The following LRRC74A variants were observed in gnomAD, a reference collection of about 807,000 sequenced individuals.
LRRC74A encodes the protein leucine rich repeat containing 74A.
A neutral mutation model predicts 57.9 loss-of-function variants in LRRC74A; 44 were observed. That is an observed-to-expected ratio of 0.76 (90% CI 0.60 to 0.98). The LOEUF (loss-of-function observed/expected upper bound fraction) is 0.98, where lower values mean the gene tolerates loss of function less well. LRRC74A is among the 50% of genes least tolerant of loss of function. LRRC74A has a pLI of 0.00. For missense variants in LRRC74A, 572 were observed against 574.0 expected (o/e 1.00, Z 0.04); for synonymous variants, 211 against 219.4 (o/e 0.96, Z 0.34).
chr14:76,868,740 T>C (rs1899160196), intron 13 of LRRC74A, among the ~76,000 whole-genome samples: 1 of 152,196 alleles, frequency 6.6e-6, no homozygotes, highest in African/African-American at 2.4e-5. Context: ...CTTCTCCCAG[T>C]ACCTCTTTCC....
intron 2 of LRRC74A, chr14:76,829,237 G>A: frequency 7.9e-7 from 1 of 1,264,662 alleles, no homozygotes; most frequent in Non-Finnish European, 1.0e-6. Context: ...GCTGGCTGGT[G>A]GGCAGTGATT....
intron 2 of LRRC74A, among the ~76,000 whole-genome samples, chr14:76,830,520 G>A (rs1181739478): frequency 6.6e-6 from 1 of 152,246 alleles, no homozygotes; most frequent in African/African-American, 2.4e-5. Context: ...GTTATTTGAG[G>A]CTAGGTTTGT....
intron 13 of LRRC74A, 73 bp from the exon 14 acceptor site, chr14:76,870,052 G>C: frequency 6.5e-7 from 1 of 1,528,516 alleles, no homozygotes; most frequent in South Asian, 1.2e-5. Context: ...ATTTAAGCCT[G>C]TCTTAACATT....
intron 13 of LRRC74A, 76 bp from the exon 14 acceptor site, chr14:76,870,049 C>A: frequency 6.6e-7 from 1 of 1,507,822 alleles, no homozygotes; most frequent in Non-Finnish European, 9.1e-7. Flanking sequence ...TGGATTTAAG[C>A]CTGTCTTAAC....
At chr14:76,838,831 G>C (rs534584988) in intron 5 of LRRC74A, among the ~76,000 whole-genome samples, 1 of 152,286 alleles carries the variant, frequency 6.6e-6, no homozygotes, top group East Asian at 1.9e-4. Context: ...AAACTCCTGG[G>C]CTCAAGCAAT....
chr14:76,845,599 AT>A (rs1897067287), intron 7 of LRRC74A, among the ~76,000 whole-genome samples: 1 of 152,194 alleles, frequency 6.6e-6, no homozygotes, highest in African/African-American at 2.4e-5. Flanking sequence ...GGGACATGCA[AT>A]TTACCTATAT....
chr14:76,854,724 A>G lies in LRRC74A; in HGVS notation c.957+1314A>G, dbSNP rs141078535. Reference sequence around the variant, plus strand: ...CAGTGTGCTTCTGATGAATGAATGAATTAATGAATACATATTTCATTTTAA... The same window carrying G: ...CAGTGTGCTTCTGATGAATGAATGAGTTAATGAATACATATTTCATTTTAA... On this transcript the variant is annotated intron_variant, in intron 9 of 13. Coordinates refer to ENST00000689127, the MANE Select transcript of LRRC74A (RefSeq NM_001385106.1). 6.0e-3 allele frequency among the ~76,000 whole-genome samples: 916 copies of G among 152,344 alleles called. 11 individuals carry two copies. The highest frequency in any genetic ancestry group is 0.021 in the African/African-American group (873 of 41,564).
At chr14:76,861,374 A>C (rs1160490896) in intron 11 of LRRC74A, among the ~76,000 whole-genome samples, 1 of 152,232 alleles carries the variant, frequency 6.6e-6, no homozygotes, top group Non-Finnish European at 1.5e-5. Context: ...GCTCCAGCCA[A>C]AGAGAGACAC....
chr14:76,840,271 C>A (rs970516808), intron 5 of LRRC74A, among the ~76,000 whole-genome samples: 10 of 151,982 alleles, frequency 6.6e-5, no homozygotes, highest in African/African-American at 2.2e-4. Flanking sequence ...AGCAAGACCC[C>A]ATCTATAAAA....
At chr14:76,843,732 TTC>T (rs1262598512) in intron 5 of LRRC74A, among the ~76,000 whole-genome samples, 2 of 152,172 alleles carry the variant, frequency 1.3e-5, no homozygotes, top group Non-Finnish European at 2.9e-5. Context: ...GGTGAAGTCT[TTC>T]TCTGTCACCC....
chr14:76,835,730 A>G (rs980445690), intron 3 of LRRC74A, among the ~76,000 whole-genome samples: 1 of 152,164 alleles, frequency 6.6e-6, no homozygotes, highest in Non-Finnish European at 1.5e-5. Flanking sequence ...ATAATAATAA[A>G]TAAATGAATA....
chr14:76,870,203 A>G lies in LRRC74A; in HGVS notation c.*54A>G, dbSNP rs1899346972. Reference sequence around the variant, plus strand: ...GGCGAGAGGAGTCCTCGCAAGTCGGATGGTGGCAGGGAGGAGAGCAAGAGG... The same window carrying G: ...GGCGAGAGGAGTCCTCGCAAGTCGGGTGGTGGCAGGGAGGAGAGCAAGAGG... On this transcript the variant is annotated 3_prime_UTR_variant, in exon 14 of 14. Transcript: ENST00000689127. 1 of 1,577,902 alleles carries G rather than the reference A, an allele frequency of 6.3e-7. No homozygotes were observed. Among genetic ancestry groups the G allele is most frequent in the Non-Finnish European group, 8.6e-7 (1 of 1,157,792 alleles).
intron 5 of LRRC74A, among the ~76,000 whole-genome samples, chr14:76,841,604 T>C (rs1443959831): frequency 6.6e-6 from 1 of 152,180 alleles, no homozygotes; most frequent in Non-Finnish European, 1.5e-5. Flanking sequence ...CCATTTAATA[T>C]TCTAGATTAA....
intron 7 of LRRC74A, among the ~76,000 whole-genome samples, chr14:76,847,671 C>T (rs1403569944): frequency 1.2e-4 from 18 of 150,132 alleles, no homozygotes; most frequent in Admixed American, 1.2e-3. Flanking sequence ...TGCACATGTA[C>T]CCCTGAACTT....
At position 76,857,436 on chromosome 14, in the gene LRRC74A, G is replaced by C. The variant is rs1471234358; in HGVS notation, c.1014G>C (p.Lys338Asn). The C allele has an allele frequency of 1.3e-6, 2 of 1,588,156 alleles. No individual in the cohort carries two copies. Among genetic ancestry groups the C allele is most frequent in the East Asian group, 2.3e-5 (1 of 44,250 alleles). Residue 338 changes from lysine (K) to asparagine (N), a missense_variant, in exon 10 of 14, where the codon AAG becomes AAC. Coordinates refer to ENST00000689127, the MANE Select transcript of LRRC74A (RefSeq NM_001385106.1). ...CTATTTTACTTATCCTGGCTATCAA[G>C]AGGAACCCCAAATCCAGGATGGAAG... Reference protein sequence around the residue: ...DGAILLILAIKRNPKSRMEEL... With the variant: ...DGAILLILAINRNPKSRMEEL...
Position 76,831,342 on chromosome 14 carries a change from C to CA in LRRC74A, c.307dup (p.Arg103LysfsTer67). 1 of 1,613,768 alleles carries CA rather than the reference C, an allele frequency of 6.2e-7. No homozygotes were observed. The highest frequency in any genetic ancestry group is 8.5e-7 in the Non-Finnish European group (1 of 1,179,864). On this transcript the variant is annotated frameshift_variant, in exon 3 of 14. Transcript: ENST00000689127. LOFTEE classifies it high-confidence loss of function. ...ACCTCAACCACCACGGCCTGGGCCC[C>CA]AGGGGTACCAAGGCTATTGCTATAG...
At chr14:76,834,265 G>A (rs1034920654) in intron 3 of LRRC74A, among the ~76,000 whole-genome samples, 1 of 152,244 alleles carries the variant, frequency 6.6e-6, no homozygotes, top group East Asian at 1.9e-4. Flanking sequence ...GATTAATGAA[G>A]TGTTAGGAAC....
At chr14:76,863,635 C>T (rs892355090) in intron 11 of LRRC74A, among the ~76,000 whole-genome samples, 55 of 152,320 alleles carry the variant, frequency 3.6e-4, no homozygotes, top group African/African-American at 1.3e-3. Flanking sequence ...CAGGGCAGGG[C>T]TGTGTGGGGT....
intron 3 of LRRC74A, among the ~76,000 whole-genome samples, chr14:76,835,165 G>T (rs957552257): frequency 6.6e-6 from 1 of 152,128 alleles, no homozygotes; most frequent in African/African-American, 2.4e-5. Flanking sequence ...GCTGCAATGC[G>T]AATCCTTTCC....
Sources: allele counts gnomAD v4.1 joint callset (sites outside exome capture counted in the v4.1 genomes callset), GRCh38; gene constraint gnomAD v4.1.1; transcripts MANE v1.5; gene names NCBI Gene and HGNC (gene_info 2026-07-23, HGNC 2026-07-21).